Variants in PSORS1C1 observed in about 807,000 individuals in gnomAD.
The protein encoded by PSORS1C1 is psoriasis susceptibility 1 candidate 1, also known as psoriasis susceptibility 1 candidate gene 1 protein.
Under a neutral mutation model 9.4 loss-of-function variants are expected in PSORS1C1, and 7 were observed. That is an observed-to-expected ratio of 0.75 (90% CI 0.42 to 1.40). The LOEUF is 1.40. Among genes scored for constraint, PSORS1C1 ranks in the 40% most tolerant of loss-of-function variants. PSORS1C1 has a pLI of 0.01. For missense variants in PSORS1C1, 146 were observed against 178.1 expected, an observed-to-expected ratio of 0.82 and a Z score of 1.02; for synonymous variants, 63 against 69.4, an observed-to-expected ratio of 0.91 and a Z score of 0.46.
chr6:31,120,228 A>G, intron 1 of PSORS1C1: 1 of 872,492 alleles, frequency 1.1e-6, no homozygotes, highest in South Asian at 1.4e-5. Context: ...AGCAACCCCC[A>G]GACTCAAAAG....
chr6:31,138,161 G>C (rs1172669062), intron 3 of PSORS1C1: 3 of 1,596,520 alleles, frequency 1.9e-6, no homozygotes, highest in South Asian at 2.3e-5. Context: ...GACTGGGGCG[G>C]GTAGGCGGAG....
At position 31,139,315 on chromosome 6, in the gene PSORS1C1, G is replaced by A. The variant is rs1279071147; in HGVS notation, c.168-326G>A. Reference sequence around the variant, plus strand: ...TTTCACACCCTCCATCCACATCCTGGAGCAGTCAATACCCACTTGGCATCT... The same window carrying A: ...TTTCACACCCTCCATCCACATCCTGAAGCAGTCAATACCCACTTGGCATCT... On this transcript the variant is annotated intron_variant, in intron 5 of 5. Coordinates refer to ENST00000259881, the MANE Select transcript of PSORS1C1 (RefSeq NM_014068.3). The surrounding 1 kb of genome is among the most constrained non-coding windows in gnomAD (Gnocchi z 5.2). 6.9e-6 allele frequency: 4 copies of A among 583,188 alleles called. No individual in the cohort carries two copies. The highest frequency in any genetic ancestry group is 1.2e-5 in the Non-Finnish European group (4 of 327,596). The allele number at this position is 583,188 out of a possible 1,614,324, so 36.1% of individuals were successfully genotyped here.
chr6:31,131,248 T>C (rs1772898884), intron 3 of PSORS1C1, among the ~76,000 whole-genome samples: 1 of 152,054 alleles, frequency 6.6e-6, no homozygotes, highest in Non-Finnish European at 1.5e-5. Context: ...ACATTAAGTG[T>C]GCATGACGGC....
At position 31,115,264 on chromosome 6, in the gene PSORS1C1, C is replaced by T; in HGVS notation, c.-229+373C>T. 4.2e-6 allele frequency: 1 copy of T among 238,628 alleles called. No homozygotes were observed. The allele number at this position is 238,628 out of a possible 1,614,324, so 14.8% of individuals were successfully genotyped here. A position where few individuals can be genotyped will look rare whatever the true frequency, so the allele number is the denominator to read the frequency against. ...CCAGGACTCCAAGAAGGCAAAAAGT[C>T]TGCACCTAGTCCCCACAGTTTACTG... On this transcript the variant is annotated intron_variant, in intron 1 of 5. Coordinates refer to ENST00000259881, the MANE Select transcript of PSORS1C1 (RefSeq NM_014068.3). This position sits in a 1 kb window ranked among gnomAD's most constrained non-coding sequence, Gnocchi z 4.2.
intron 1 of PSORS1C1, chr6:31,117,436 C>T: frequency 6.4e-7 from 1 of 1,559,460 alleles, no homozygotes; most frequent in Non-Finnish European, 8.7e-7. Flanking sequence ...GCTGGAGTCA[C>T]CCTTCCCAGT....
At chr6:31,126,309 G>A (rs1473995848) in intron 2 of PSORS1C1, among the ~76,000 whole-genome samples, 1 of 152,148 alleles carries the variant, frequency 6.6e-6, no homozygotes, top group Non-Finnish European at 1.5e-5. Flanking sequence ...GGTTTCCCCT[G>A]GACATGGCAT....
Position 31,138,896 on chromosome 6 carries a change from C to A in PSORS1C1, c.167+117C>A, listed in dbSNP as rs970230852. 1.1e-5 allele frequency: 17 copies of A among 1,596,698 alleles called. No homozygotes were observed. The African/African-American group carries it at 2.3e-4, about 21-fold the overall frequency. On this transcript the variant is annotated intron_variant, in intron 5 of 5. Coordinates refer to ENST00000259881, the MANE Select transcript of PSORS1C1 (RefSeq NM_014068.3). ...CTGAATTCCTGTCCCCAACCCCATG[C>A]GTCCAGTTCACCTCCGCCATCTTGA...
intron 1 of PSORS1C1, chr6:31,117,326 T>G: frequency 6.3e-7 from 1 of 1,581,476 alleles, no homozygotes; most frequent in South Asian, 1.1e-5. Context: ...CCCTGGGCAA[T>G]GCTGGATCCG....
intron 1 of PSORS1C1, among the ~76,000 whole-genome samples, chr6:31,120,640 T>C (rs972879567): frequency 6.6e-6 from 1 of 152,090 alleles, no homozygotes; most frequent in Non-Finnish European, 1.5e-5. Flanking sequence ...GGGGTACCCA[T>C]GGCCACGGGG....
chr6:31,137,175 G>A (rs3132560), intron 3 of PSORS1C1, among the ~76,000 whole-genome samples: 71,421 of 148,978 alleles, frequency 0.48, 18,813 homozygotes, highest in African/African-American at 0.72. Flanking sequence ...AGAAGAAAGA[G>A]GCCGGGCGCT....
intron 1 of PSORS1C1, among the ~76,000 whole-genome samples, chr6:31,124,823 C>T (rs999132779): frequency 4.6e-5 from 7 of 152,198 alleles, no homozygotes; most frequent in African/African-American, 1.7e-4. Context: ...CAAAAATTAG[C>T]CGGGTGCGGG....
chr6:31,127,433 C>T (rs9263706), intron 2 of PSORS1C1, among the ~76,000 whole-genome samples: 13,268 of 152,082 alleles, frequency 0.087, 696 homozygotes, highest in Middle Eastern at 0.14. Context: ...TTCTCTTGGG[C>T]CCTGGGACTA....
chr6:31,138,577 C>A, intron 4 of PSORS1C1, 79 bp from the exon 5 acceptor site: 1 of 1,607,524 alleles, frequency 6.2e-7, no homozygotes, highest in Non-Finnish European at 8.5e-7. Flanking sequence ...AAGCTCCATC[C>A]ACCCCTGGTT....
chr6:31,136,824 T>C (rs1162135626), intron 3 of PSORS1C1, among the ~76,000 whole-genome samples: 3 of 152,198 alleles, frequency 2.0e-5, no homozygotes, highest in South Asian at 2.1e-4. Flanking sequence ...TCCGTAAGTT[T>C]AGGACTGTGA....
At chr6:31,135,174 G>C (rs1443512724) in intron 3 of PSORS1C1, among the ~76,000 whole-genome samples, 2 of 152,000 alleles carry the variant, frequency 1.3e-5, no homozygotes, top group African/African-American at 4.8e-5. Flanking sequence ...CATTCCAAAG[G>C]GTATGCTTTT....
In PSORS1C1 at chr6:31,139,561, C is replaced by A. The variant is rs2233946; in HGVS notation, c.168-80C>A. 3 of 1,449,190 alleles carry A rather than the reference C, an allele frequency of 2.1e-6. No individual in the cohort carries two copies. Among genetic ancestry groups the A allele is most frequent in the East Asian group, 2.3e-5 (1 of 42,600 alleles). 89.8% of individuals were successfully genotyped at this position (1,449,190 alleles called of 1,614,324 possible). On this transcript the variant is annotated intron_variant, in intron 5 of 5. Coordinates refer to ENST00000259881, the MANE Select transcript of PSORS1C1 (RefSeq NM_014068.3). The surrounding 1 kb of genome is among the most constrained non-coding windows in gnomAD (Gnocchi z 5.2). ...CTCACCCCCGCACTGAAAGCTCCCC[C>A]TGGGGCTTCGTGCTTTCCTGGGCAC...
rs1341679130 is a variant in PSORS1C1, at chr6:31,139,252, C to T, written c.168-389C>T. ...GCCCAGGACCCAGCTGCCTGCTCTC[C>T]CTATCATGACCCAGAGCCTGCGTCA... On this transcript the variant is annotated intron_variant, in intron 5 of 5. Coordinates refer to ENST00000259881, the MANE Select transcript of PSORS1C1 (RefSeq NM_014068.3). The surrounding 1 kb of genome is among the most constrained non-coding windows in gnomAD (Gnocchi z 5.2). 1 of 587,060 alleles carries T rather than the reference C, an allele frequency of 1.7e-6. No individual in the cohort carries two copies. Among genetic ancestry groups the T allele is most frequent in the African/African-American group, 1.9e-5 (1 of 53,664 alleles). 36.4% of individuals were successfully genotyped at this position (587,060 alleles called of 1,614,324 possible). A position where few individuals can be genotyped will look rare whatever the true frequency, so the allele number is the denominator to read the frequency against.
Position 31,129,557 on chromosome 6 carries a change from C to T in PSORS1C1, c.-64-12C>T, listed in dbSNP as rs1053828386. On this transcript the variant is annotated splice_polypyrimidine_tract_variant and intron_variant, in intron 2 of 5. Transcript: ENST00000259881. Reference sequence around the variant, plus strand: ...CCCCTTCTCTTTCCCACTCACCTACCTGCCATGTCAGCCTGGGAAGAATTG... The same window carrying T: ...CCCCTTCTCTTTCCCACTCACCTACTTGCCATGTCAGCCTGGGAAGAATTG... 2.3e-5 allele frequency: 18 copies of T among 776,002 alleles called. No homozygotes were observed. The highest frequency in any genetic ancestry group is 3.8e-5 in the Non-Finnish European group (16 of 416,416). The allele number at this position is 776,002 out of a possible 1,614,324, so 48.1% of individuals were successfully genotyped here. A position where few individuals can be genotyped will look rare whatever the true frequency, so the allele number is the denominator to read the frequency against.
At position 31,139,204 on chromosome 6, in the gene PSORS1C1, G is replaced by A; in HGVS notation, c.167+425G>A. The A allele has an allele frequency of 1.7e-6, 1 of 602,102 alleles. No individual in the cohort carries two copies. The highest frequency in any genetic ancestry group is 3.0e-6 in the Non-Finnish European group (1 of 338,666). 37.3% of individuals were successfully genotyped at this position (602,102 alleles called of 1,614,324 possible). On this transcript the variant is annotated intron_variant, in intron 5 of 5. Coordinates refer to ENST00000259881, the MANE Select transcript of PSORS1C1 (RefSeq NM_014068.3). The surrounding 1 kb of genome is among the most constrained non-coding windows in gnomAD (Gnocchi z 5.2). ...GGCTGATGTGTCACCCCTGAAGGTG[G>A]CGTCCCTTATTTTAGTCCTCCAGCC...
Sources: gnomAD v4.1 joint callset for allele counts (sites outside exome capture counted in the v4.1 genomes callset) on GRCh38, gnomAD v4.1.1 for gene constraint, Gnocchi (gnomAD v3.1) non-coding constraint, MANE v1.5 for transcripts, NCBI Gene and HGNC (gene_info 2026-07-23, HGNC 2026-07-21) for gene names.